Variants in GRM7 observed in about 807,000 individuals in gnomAD.
GRM7 encodes the protein metabotropic glutamate receptor 7.
GRM7 carries 35 observed loss-of-function variants against 84.5 expected under a neutral mutation model. The ratio of observed to expected loss-of-function variants is 0.41; its 90% CI spans 0.32 to 0.55. The LOEUF is 0.55. Among genes scored for constraint, GRM7 ranks in the 20% least tolerant of loss-of-function variants. The probability of loss-of-function intolerance (pLI) is 0.19; values close to 1 mark genes in which losing one functional copy is unlikely to be tolerated. For synonymous variants in GRM7, 487 were observed against 455.1 expected, an observed-to-expected ratio of 1.07 and a Z score of -0.89; for missense variants, 1,003 against 1,194.6, an observed-to-expected ratio of 0.84 and a Z score of 2.36.
At chr3:7,049,805 G>A (rs1182274644) in intron 1 of GRM7, among the ~76,000 whole-genome samples, 1 of 151,768 alleles carries the variant, frequency 6.6e-6, no homozygotes, top group East Asian at 1.9e-4. Context: ...GGATGGATGG[G>A]GGAGAAGATG....
chr3:7,384,722 G>A (rs999901064), intron 4 of GRM7, among the ~76,000 whole-genome samples: 2 of 152,068 alleles, frequency 1.3e-5, no homozygotes, highest in Non-Finnish European at 2.9e-5. Context: ...GCCACACGGG[G>A]CTGGTGGCTA....
At chr3:7,376,984 C>T (rs562900893) in intron 4 of GRM7, among the ~76,000 whole-genome samples, 25 of 152,198 alleles carry the variant, frequency 1.6e-4, no homozygotes, top group East Asian at 3.9e-4. Flanking sequence ...CCCTGGGGGA[C>T]GAAATCACTT....
intron 1 of GRM7, among the ~76,000 whole-genome samples, chr3:7,047,059 A>G (rs903146502): frequency 6.6e-6 from 1 of 152,080 alleles, no homozygotes; most frequent in African/African-American, 2.4e-5. Flanking sequence ...TCCAAAATCT[A>G]TAGTCATAGT....
intron 9 of GRM7, among the ~76,000 whole-genome samples, chr3:7,698,233 A>C (rs1161192139): frequency 1.3e-5 from 2 of 152,132 alleles, no homozygotes; most frequent in Non-Finnish European, 2.9e-5. Context: ...TATGGGAGAT[A>C]GTGTTCTGGG....
At chr3:7,715,186 G>T (rs934218827) in intron 9 of GRM7, among the ~76,000 whole-genome samples, 1 of 152,292 alleles carries the variant, frequency 6.6e-6, no homozygotes, top group East Asian at 1.9e-4. Context: ...GTGGCTGGGT[G>T]CAGTGGCTCA....
At chr3:7,694,776 T>C (rs1265230671) in intron 9 of GRM7, among the ~76,000 whole-genome samples, 1 of 152,166 alleles carries the variant, frequency 6.6e-6, no homozygotes, top group African/African-American at 2.4e-5. Context: ...GAAACACCAA[T>C]GACCAATTTT....
At chr3:7,315,486 C>A (rs781624295) in intron 4 of GRM7, among the ~76,000 whole-genome samples, 5 of 152,206 alleles carry the variant, frequency 3.3e-5, no homozygotes, top group Non-Finnish European at 7.3e-5. Context: ...TGTTTTCTAG[C>A]AATGCCTCCC....
intron 7 of GRM7, among the ~76,000 whole-genome samples, chr3:7,487,906 C>T (rs900888177): frequency 6.6e-6 from 1 of 152,182 alleles, no homozygotes; most frequent in Non-Finnish European, 1.5e-5. Context: ...CTCTAGTGTA[C>T]AACCCTAACC....
chr3:7,412,440 C>A (rs191844977), intron 4 of GRM7, among the ~76,000 whole-genome samples: 3 of 152,294 alleles, frequency 2.0e-5, no homozygotes, highest in Admixed American at 6.5e-5. Context: ...CACACACTTG[C>A]AAGAGCTTTT....
intron 9 of GRM7, among the ~76,000 whole-genome samples, chr3:7,718,905 C>A (rs1701847950): frequency 6.6e-6 from 1 of 152,174 alleles, no homozygotes. Flanking sequence ...GTTCTTGTCC[C>A]AGCTTAGAAG....
Position 7,193,355 on chromosome 3 carries a change from C to A in GRM7, c.736+46687C>A, listed in dbSNP as rs564236021. On this transcript the variant is annotated intron_variant, in intron 2 of 9. Transcript: ENST00000357716. ...TATTGGATTTCATTAATTTTTTCAC[C>A]TTCTACCAAGCACTTAGGAGTAATC... Among the ~76,000 whole-genome samples the A allele has an allele frequency of 1.8e-4, 28 of 152,152 alleles. No homozygotes were observed. The East Asian group carries it at 5.2e-3, about 28-fold the overall frequency.
At position 7,486,424 on chromosome 3, in the gene GRM7, G is replaced by A. The variant is rs1421473445; in HGVS notation, c.1515+24702G>A. Among the ~76,000 whole-genome samples the A allele has an allele frequency of 6.6e-6, 1 of 152,100 alleles. No individual in the cohort carries two copies. Among genetic ancestry groups the A allele is most frequent in the Non-Finnish European group, 1.5e-5 (1 of 68,024 alleles). On this transcript the variant is annotated intron_variant, in intron 7 of 9. Transcript: ENST00000357716. The surrounding 1 kb of genome is among the most constrained non-coding windows in gnomAD (Gnocchi z 5.5). Reference sequence around the variant, plus strand: ...GCTTGGTCTCCAATGTGGCAGTGTTGGGAGATGATACCATTGAGAGGCAAT... The same window carrying A: ...GCTTGGTCTCCAATGTGGCAGTGTTAGGAGATGATACCATTGAGAGGCAAT...
chr3:7,619,510 G>C (rs1401792924), intron 8 of GRM7, among the ~76,000 whole-genome samples: 1 of 152,060 alleles, frequency 6.6e-6, no homozygotes, highest in Non-Finnish European at 1.5e-5. Flanking sequence ...CTAAACTGTA[G>C]AATGTTAACA....
Position 7,259,953 on chromosome 3 carries a change from G to GTTTTTTT in GRM7, c.737-38725_737-38719dup, listed in dbSNP as rs1164961076. Among the ~76,000 whole-genome samples, 3 of 89,668 alleles carry GTTTTTTT rather than the reference G, an allele frequency of 3.3e-5. 1 individual carries two copies. Among genetic ancestry groups the GTTTTTTT allele is most frequent in the Admixed American group, 1.3e-4 (1 of 7,546 alleles). 58.8% of individuals were successfully genotyped at this position (89,668 alleles called of 152,430 possible). On this transcript the variant is annotated intron_variant, in intron 2 of 9. Coordinates refer to ENST00000357716, the MANE Select transcript of GRM7 (RefSeq NM_000844.4). ...TTTCTCTGCAACCTTACCAGCATCT[G>GTTTTTTT]TTTTTTTTTTTTGACGTTTTAATAA... is the stretch of plus-strand genomic sequence containing the variant.
At chr3:7,018,396 T>A (rs73808609) in intron 1 of GRM7, among the ~76,000 whole-genome samples, 1,785 of 152,332 alleles carry the variant, frequency 0.012, 35 homozygotes, top group African/African-American at 0.04. Flanking sequence ...GTGTCTGGTG[T>A]TTGGCCCCAT....
chr3:7,738,962 T>C lies in GRM7; in HGVS notation c.2699-1395T>C, dbSNP rs117690112. On this transcript the variant is annotated intron_variant, in intron 9 of 9. Coordinates refer to ENST00000357716, the MANE Select transcript of GRM7 (RefSeq NM_000844.4). ...AACTTCCTGGAAGATTTGGGCATTA[T>C]TGAGGCCATGTGTTCATCAAATGAG... Among the ~76,000 whole-genome samples, 521 of 152,286 alleles carry C rather than the reference T, an allele frequency of 3.4e-3. 10 individuals carry two copies. The East Asian group carries it at 0.066, about 19-fold the overall frequency.
intron 8 of GRM7, among the ~76,000 whole-genome samples, chr3:7,672,771 AT>A (rs199909904): frequency 6.6e-6 from 1 of 151,526 alleles, no homozygotes; most frequent in South Asian, 2.1e-4. Flanking sequence ...CGCCCGGCTA[AT>A]TTTTTTTGTA....
chr3:7,590,093 T>G (rs769156314), intron 8 of GRM7, among the ~76,000 whole-genome samples: 1 of 152,198 alleles, frequency 6.6e-6, no homozygotes, highest in African/African-American at 2.4e-5. Flanking sequence ...AGTTTTAAAA[T>G]AATTTCCTTT....
At chr3:7,018,473 C>A (rs1020473680) in intron 1 of GRM7, among the ~76,000 whole-genome samples, 7 of 152,252 alleles carry the variant, frequency 4.6e-5, no homozygotes, top group African/African-American at 1.4e-4. Context: ...ATCTATCACC[C>A]TTTGTGCAAA....
Sources: allele counts gnomAD v4.1 joint callset (sites outside exome capture counted in the v4.1 genomes callset), GRCh38; gene constraint gnomAD v4.1.1; non-coding constraint Gnocchi (gnomAD v3.1); transcripts MANE v1.5; gene names NCBI Gene and HGNC (gene_info 2026-07-23, HGNC 2026-07-21).